The following SMOC1 variants were observed in gnomAD, a reference collection of about 807,000 sequenced individuals.
SMOC1 encodes the protein SPARC related modular calcium binding 1, also known as SPARC-related modular calcium-binding protein 1.
Under a neutral mutation model 56.3 loss-of-function variants are expected in SMOC1, and 22 were observed. That is an observed-to-expected ratio of 0.39 (90% CI 0.28 to 0.56). The LOEUF (loss-of-function observed/expected upper bound fraction) is 0.56, where lower values mean the gene tolerates loss of function less well. Ranked by LOEUF, SMOC1 falls within the 20% of genes least tolerant of loss-of-function variation. The pLI is 0.61. For missense variants in SMOC1, 509 were observed against 565.4 expected, an observed-to-expected ratio of 0.90 and a Z score of 1.01; for synonymous variants, 193 against 215.0, an observed-to-expected ratio of 0.90 and a Z score of 0.89.
intron 1 of SMOC1, among the ~76,000 whole-genome samples, chr14:69,936,119 C>T (rs1243359020): frequency 6.6e-6 from 1 of 152,186 alleles, no homozygotes; most frequent in East Asian, 1.9e-4. Context: ...TTCATTTCTC[C>T]CCCATTCTCC....
intron 7 of SMOC1, 91 bp from the exon 8 acceptor site, chr14:70,010,663 C>T: frequency 7.2e-7 from 1 of 1,390,074 alleles, no homozygotes; most frequent in Non-Finnish European, 1.0e-6. Flanking sequence ...CAGGCCTGGT[C>T]CTTGCTACTT....
chr14:69,992,603 G>A (rs1884605656), intron 6 of SMOC1, 130 bp downstream of exon 6: 1 of 790,622 alleles, frequency 1.3e-6, no homozygotes, highest in Non-Finnish European at 2.1e-6. Flanking sequence ...TTTTCCCAGT[G>A]TAAGCTGGGT....
intron 1 of SMOC1, among the ~76,000 whole-genome samples, chr14:69,906,172 C>T (rs1884402214): frequency 6.6e-6 from 1 of 152,194 alleles, no homozygotes; most frequent in Non-Finnish European, 1.5e-5. Flanking sequence ...TTTTGACACT[C>T]CTCCCAGAGA....
intron 10 of SMOC1, 42 bp downstream of exon 10, chr14:70,013,533 G>C (rs776411846): frequency 1.3e-6 from 2 of 1,578,144 alleles, no homozygotes; most frequent in East Asian, 2.2e-5. Context: ...GAAAAATGTG[G>C]GGCCCCTGAC....
rs1301687926 is a variant in SMOC1, at chr14:70,030,272, C to T, written c.*14C>T. On this transcript the variant is annotated 3_prime_UTR_variant, in exon 12 of 12. Coordinates refer to ENST00000361956, the MANE Select transcript of SMOC1 (RefSeq NM_001034852.3). The stretch of plus-strand genomic sequence containing the variant: ...CGCCTCGTCTAAGGAGCAGAAAACC[C>T]AAGGGCAGGTGGAGAGTCCAGGGAG... 1.9e-6 allele frequency: 3 copies of T among 1,613,022 alleles called. No homozygotes were observed. Among genetic ancestry groups the T allele is most frequent in the African/African-American group, 2.7e-5 (2 of 74,510 alleles).
At chr14:69,966,334 G>A (rs957606507) in intron 3 of SMOC1, among the ~76,000 whole-genome samples, 2 of 152,114 alleles carry the variant, frequency 1.3e-5, no homozygotes, top group African/African-American at 4.8e-5. Context: ...CCTAACACTC[G>A]GGTGTTCCAA....
intron 1 of SMOC1, among the ~76,000 whole-genome samples, chr14:69,923,794 C>T (rs146575986): frequency 5.3e-5 from 8 of 152,282 alleles, no homozygotes; most frequent in African/African-American, 1.7e-4. Flanking sequence ...CCTGAGAGCA[C>T]GCCCTCAATC....
chr14:69,930,963 C>G (rs2139391421), intron 1 of SMOC1, among the ~76,000 whole-genome samples: 1 of 152,354 alleles, frequency 6.6e-6, no homozygotes, highest in African/African-American at 2.4e-5. Context: ...ACACCTCATG[C>G]TTGCATTTGT....
chr14:70,023,176 C>A, intron 10 of SMOC1, 27 bp from the exon 11 acceptor site: 1 of 1,613,764 alleles, frequency 6.2e-7, no homozygotes, highest in Non-Finnish European at 8.5e-7. Flanking sequence ...GTGTTCTCTG[C>A]GGTGGGGGTG....
chr14:69,997,582 G>A (rs757450096), intron 7 of SMOC1, among the ~76,000 whole-genome samples: 4 of 152,144 alleles, frequency 2.6e-5, no homozygotes, highest in Non-Finnish European at 4.4e-5. Context: ...GAGGACTCAA[G>A]AGCATCTGTG....
chr14:69,980,825 A>G (rs1264049858), intron 5 of SMOC1, among the ~76,000 whole-genome samples: 1 of 152,132 alleles, frequency 6.6e-6, no homozygotes, highest in Non-Finnish European at 1.5e-5. Flanking sequence ...TATGGCCAGA[A>G]AAGAGGTGGG....
chr14:70,010,965 G>T lies in SMOC1; in HGVS notation c.857+19G>T. The T allele has an allele frequency of 6.2e-7, 1 of 1,611,746 alleles. No homozygotes were observed. The highest frequency in any genetic ancestry group is 8.5e-7 in the Non-Finnish European group (1 of 1,179,900). ...CCACACGGTAAGCCCCCCAGACTGGGTCCTGGGAAAAACGCACCTGCTGGC... is the reference window on the plus strand; with the variant it reads ...CCACACGGTAAGCCCCCCAGACTGGTTCCTGGGAAAAACGCACCTGCTGGC... On this transcript the variant is annotated intron_variant, in intron 8 of 11. Coordinates refer to ENST00000361956, the MANE Select transcript of SMOC1 (RefSeq NM_001034852.3).
intron 7 of SMOC1, among the ~76,000 whole-genome samples, chr14:70,004,960 A>C (rs974142273): frequency 6.6e-6 from 1 of 152,138 alleles, no homozygotes; most frequent in Non-Finnish European, 1.5e-5. Context: ...TTTCTCCAAA[A>C]AGCTTACAGC....
At chr14:69,992,097 G>A (rs1884586770) in intron 5 of SMOC1, among the ~76,000 whole-genome samples, 1 of 152,114 alleles carries the variant, frequency 6.6e-6, no homozygotes, top group Non-Finnish European at 1.5e-5. Context: ...CAGTTTTCCT[G>A]CGGGAACAAG....
intron 1 of SMOC1, among the ~76,000 whole-genome samples, chr14:69,934,738 C>A (rs1015110639): frequency 2.6e-5 from 4 of 152,184 alleles, no homozygotes; most frequent in Admixed American, 2.6e-4. Context: ...TTTACGTAGT[C>A]CAAGGCTGGA....
At chr14:70,010,999 A>T in intron 8 of SMOC1, 53 bp downstream of exon 8, 1 of 1,599,276 alleles carries the variant, frequency 6.3e-7, no homozygotes, top group Non-Finnish European at 8.5e-7. Flanking sequence ...GCTGTTATCC[A>T]TGCTGGCATC....
rs1358857534 is a variant in SMOC1 at position 69,913,014 on chromosome 14, C to T, written c.99+33237C>T. Among the ~76,000 whole-genome samples the T allele has an allele frequency of 3.3e-5, 5 of 152,152 alleles. No homozygotes were observed. The East Asian group carries it at 5.8e-4, about 18-fold the overall frequency. ...GCTTCAAATTAGAAAGTGGGAGGAA[C>T]GATGGCTAATGGCTGGCATGTGGAG... On this transcript the variant is annotated intron_variant, in intron 1 of 11. Coordinates refer to ENST00000361956, the MANE Select transcript of SMOC1 (RefSeq NM_001034852.3).
chr14:70,006,744 A>G (rs1885160255), intron 7 of SMOC1, among the ~76,000 whole-genome samples: 1 of 152,220 alleles, frequency 6.6e-6, no homozygotes, highest in Admixed American at 6.5e-5. Context: ...GCTGGAATGT[A>G]CAAGGTGACC....
At chr14:69,985,381 G>T (rs938588719) in intron 5 of SMOC1, among the ~76,000 whole-genome samples, 20 of 152,178 alleles carry the variant, frequency 1.3e-4, no homozygotes, top group African/African-American at 4.3e-4. Context: ...TAATCCAGCA[G>T]TTGCACTCCT....
Sources: gnomAD v4.1 joint callset for allele counts (sites outside exome capture counted in the v4.1 genomes callset) on GRCh38, gnomAD v4.1.1 for gene constraint, MANE v1.5 for transcripts, NCBI Gene and HGNC (gene_info 2026-07-23, HGNC 2026-07-21) for gene names.